The following ZNF618 variants were observed in gnomAD, a reference collection of about 807,000 sequenced individuals.
The protein encoded by ZNF618 is neural precursor cell expressed, developmentally down-regulated 10.
In ZNF618, 34 loss-of-function variants were observed where a neutral mutation model predicts 103.0. The ratio of observed to expected loss-of-function variants is 0.33; its 90% confidence interval spans 0.25 to 0.44. ZNF618 has a LOEUF of 0.44. ZNF618 is among the 20% of genes least tolerant of loss of function. The probability of loss-of-function intolerance (pLI) is 1.00; values close to 1 mark genes in which losing one functional copy is unlikely to be tolerated. For synonymous variants in ZNF618, 551 were observed against 542.2 expected (o/e 1.02, Z -0.23); for missense variants, 1,059 against 1,295.4 (o/e 0.82, Z 2.80).
At chr9:113,935,104 G>GA (rs1192488670) in intron 1 of ZNF618, among the ~76,000 whole-genome samples, 1 of 152,208 alleles carries the variant, frequency 6.6e-6, no homozygotes, top group Non-Finnish European at 1.5e-5. Flanking sequence ...TGGCCTGGCT[G>GA]AAGCCCCTGG....
intron 1 of ZNF618, among the ~76,000 whole-genome samples, chr9:113,900,700 C>A (rs1830452241): frequency 6.8e-6 from 1 of 146,728 alleles, no homozygotes; most frequent in Non-Finnish European, 1.5e-5. Context: ...TGTCTCCTAG[C>A]ACCGTCCTCT....
At chr9:114,038,511 A>G (rs951930952) in intron 13 of ZNF618, among the ~76,000 whole-genome samples, 1 of 152,212 alleles carries the variant, frequency 6.6e-6, no homozygotes, top group African/African-American at 2.4e-5. Flanking sequence ...ATTAAGCATC[A>G]TGAGCTGCGC....
intron 13 of ZNF618, among the ~76,000 whole-genome samples, chr9:114,046,083 C>T (rs186919566): frequency 1.3e-5 from 2 of 152,186 alleles, no homozygotes; most frequent in Admixed American, 1.3e-4. Context: ...CCTGCACCCT[C>T]GCTGAATTTA....
chr9:113,887,533 T>C (rs1328820474), intron 1 of ZNF618, among the ~76,000 whole-genome samples: 1 of 152,140 alleles, frequency 6.6e-6, no homozygotes, highest in Non-Finnish European at 1.5e-5. Context: ...CCAGGTCACA[T>C]TGGGGGCTGT....
intron 1 of ZNF618, among the ~76,000 whole-genome samples, chr9:113,899,372 G>C (rs1245174353): frequency 6.6e-6 from 1 of 152,132 alleles, no homozygotes; most frequent in Non-Finnish European, 1.5e-5. Flanking sequence ...GGGGTCCCCA[G>C]CCTCCAGGCT....
rs532084017 is a variant in ZNF618 at position 114,017,443 on chromosome 9, C to T, written c.844+659C>T. ...CCTCACCTTCCATCCTCCTGGTGCCCGTGAGCCTACCTTACTGATTTCCCA... is the reference window on the plus strand; with the variant it reads ...CCTCACCTTCCATCCTCCTGGTGCCTGTGAGCCTACCTTACTGATTTCCCA... On this transcript the variant is annotated intron_variant, in intron 10 of 14. Transcript: ENST00000374126. Among the ~76,000 whole-genome samples, 14 of 152,274 alleles carry T rather than the reference C, an allele frequency of 9.2e-5. No homozygotes were observed. In the South Asian group the frequency reaches 1.2e-3, roughly 14 times the overall value.
intron 10 of ZNF618, among the ~76,000 whole-genome samples, chr9:114,019,659 A>C (rs184032408): frequency 6.6e-6 from 1 of 152,104 alleles, no homozygotes; most frequent in African/African-American, 2.4e-5. Flanking sequence ...TTGTCTCTTT[A>C]GGTCTTCTGC....
At chr9:113,913,741 G>T (rs547430390) in intron 1 of ZNF618, among the ~76,000 whole-genome samples, 1 of 150,874 alleles carries the variant, frequency 6.6e-6, no homozygotes, top group East Asian at 2.0e-4. Flanking sequence ...GGGAGGGAGG[G>T]TGGGTGCTGT....
chr9:113,884,935 G>T (rs1431496592), intron 1 of ZNF618, among the ~76,000 whole-genome samples: 1 of 152,202 alleles, frequency 6.6e-6, no homozygotes, highest in East Asian at 1.9e-4. Flanking sequence ...TTCCTGCCCT[G>T]TGTGTATACA....
chr9:114,047,201 T>A (rs1845724981), intron 13 of ZNF618, among the ~76,000 whole-genome samples: 5 of 152,216 alleles, frequency 3.3e-5, no homozygotes, highest in Admixed American at 3.3e-4. Flanking sequence ...ACTGCATATG[T>A]GCAATTAACA....
At position 114,050,231 on chromosome 9, in the gene ZNF618, A is replaced by T; in HGVS notation, c.*64A>T. The T allele has an allele frequency of 6.8e-7, 1 of 1,479,892 alleles. No individual in the cohort carries two copies. Among genetic ancestry groups the T allele is most frequent in the Non-Finnish European group, 9.0e-7 (1 of 1,115,626 alleles). 91.7% of individuals were successfully genotyped at this position (1,479,892 alleles called of 1,614,324 possible). A position where few individuals can be genotyped will look rare whatever the true frequency, so the allele number is the denominator to read the frequency against. ...TAACATTAGAAAAAAACCACACAAC[A>T]CTGTCACAAAGAAAAGGAATTTAAG... On this transcript the variant is annotated 3_prime_UTR_variant, in exon 15 of 15. Coordinates refer to ENST00000374126, the MANE Select transcript of ZNF618 (RefSeq NM_001318042.2).
Position 114,036,379 on chromosome 9 carries a change from TA to T in ZNF618, c.1246+4del. 6.4e-7 allele frequency: 1 copy of T among 1,573,300 alleles called. No individual in the cohort carries two copies. The highest frequency in any genetic ancestry group is 1.8e-5 in the Admixed American group (1 of 54,054). ...TGGAGCACATGCAGTCCCATGCAGG[TA>T]AGTAGGATACGGCTTCTCTCCCCCT... On this transcript the variant is annotated splice_donor_region_variant and intron_variant, in intron 13 of 14. Coordinates refer to ENST00000374126, the MANE Select transcript of ZNF618 (RefSeq NM_001318042.2).
At chr9:113,949,765 G>A (rs1564204499) in intron 1 of ZNF618, among the ~76,000 whole-genome samples, 1 of 152,232 alleles carries the variant, frequency 6.6e-6, no homozygotes, top group Admixed American at 6.5e-5. Flanking sequence ...GCCAATAATA[G>A]TGCGAAGCCT....
chr9:113,911,172 A>G (rs937582781), intron 1 of ZNF618, among the ~76,000 whole-genome samples: 1 of 152,184 alleles, frequency 6.6e-6, no homozygotes, highest in African/African-American at 2.4e-5. Flanking sequence ...TTAAAACACA[A>G]TTAAACCAAG....
At chr9:113,940,523 C>T (rs576791664) in intron 1 of ZNF618, among the ~76,000 whole-genome samples, 2 of 148,476 alleles carry the variant, frequency 1.3e-5, no homozygotes, top group South Asian at 2.1e-4. Flanking sequence ...TTTATGGGTA[C>T]GTAAAAGTTC....
chr9:113,926,379 G>T (rs1448706622), intron 1 of ZNF618, among the ~76,000 whole-genome samples: 1 of 151,804 alleles, frequency 6.6e-6, no homozygotes, highest in Non-Finnish European at 1.5e-5. Context: ...TCTGCTTGGT[G>T]CTCTCTGAGC....
At chr9:113,943,779 C>G (rs1020717066) in intron 1 of ZNF618, among the ~76,000 whole-genome samples, 3 of 152,080 alleles carry the variant, frequency 2.0e-5, no homozygotes, top group Non-Finnish European at 4.4e-5. Context: ...GACTGAGGTT[C>G]CCTGCCCTGG....
At chr9:113,907,955 CAA>C (rs1195733898) in intron 1 of ZNF618, among the ~76,000 whole-genome samples, 6 of 152,214 alleles carry the variant, frequency 3.9e-5, no homozygotes, top group African/African-American at 1.4e-4. Flanking sequence ...ATCCCTTTCT[CAA>C]GAGGTCAGCA....
intron 1 of ZNF618, among the ~76,000 whole-genome samples, chr9:113,915,749 GTAGA>G: frequency 6.6e-6 from 1 of 152,072 alleles, no homozygotes; most frequent in East Asian, 1.9e-4. Flanking sequence ...ATAGAGAGAG[GTAGA>G]TGGATGGACA....
Sources: gnomAD v4.1 joint callset for allele counts (sites outside exome capture counted in the v4.1 genomes callset) on GRCh38, gnomAD v4.1.1 for gene constraint, MANE v1.5 for transcripts, NCBI Gene and HGNC (gene_info 2026-07-23, HGNC 2026-07-21) for gene names.